Variants in POPDC3 observed in about 807,000 individuals in gnomAD.
The protein encoded by POPDC3 is popeye domain-containing protein 3.
A neutral mutation model predicts 28.2 loss-of-function variants in POPDC3; 20 were observed. The observed-to-expected ratio is 0.71, with a 90% CI of 0.50 to 1.03. The LOEUF (loss-of-function observed/expected upper bound fraction) is 1.03, where lower values mean the gene tolerates loss of function less well. Among genes scored for constraint, POPDC3 ranks in the 50% least tolerant of loss-of-function variants. The pLI, the probability that POPDC3 is intolerant of heterozygous loss-of-function variation, is 0.00. For synonymous variants in POPDC3, 118 were observed against 124.1 expected (o/e 0.95, Z 0.33); for missense variants, 316 against 345.9 (o/e 0.91, Z 0.69).
chr6:105,158,017 A>G lies in POPDC3; in HGVS notation c.*453T>C, dbSNP rs1047278339. On this transcript the variant is annotated 3_prime_UTR_variant, in exon 4 of 4. Coordinates refer to ENST00000254765, the MANE Select transcript of POPDC3 (RefSeq NM_022361.5). Reference sequence around the variant, plus strand: ...ATCAAGTAACTGCACATTTAAAATAAATAATTGCTTTCACTGGAGGTTGTA... The same window carrying G: ...ATCAAGTAACTGCACATTTAAAATAGATAATTGCTTTCACTGGAGGTTGTA... 1.3e-5 allele frequency among the ~76,000 whole-genome samples: 2 copies of G among 152,134 alleles called. No individual in the cohort carries two copies. The highest frequency in any genetic ancestry group is 4.8e-5 in the African/African-American group (2 of 41,444).
At chr6:105,160,943 A>G (rs144356947) in intron 2 of POPDC3, among the ~76,000 whole-genome samples, 145 of 152,248 alleles carry the variant, frequency 9.5e-4, no homozygotes, top group African/African-American at 3.3e-3. Flanking sequence ...AGATTTCTAT[A>G]TATGTTCCTG....
chr6:105,169,846 C>G (rs1774539218), intron 1 of POPDC3: 3 of 152,162 alleles, frequency 2.0e-5, no homozygotes, highest in Admixed American at 2.0e-4. Context: ...CAGATTCACT[C>G]CCAGGCAGGC....
chr6:105,159,807 T>C lies in POPDC3; in HGVS notation c.498A>G (p.Thr166=). ...SLLVSGRIRV[T]VDGEFLHYIF... is the part of the protein sequence containing the mutation. The stretch of plus-strand genomic sequence containing the variant: ...TGTAATGCAGAAATTCGCCATCAAC[T>C]GTCACTCTGATCCTATCAAAACACA... Residue 166 remains threonine, a synonymous_variant, in exon 3 of 4, where the codon ACA becomes ACG. Transcript: ENST00000254765. 6.2e-7 allele frequency: 1 copy of C among 1,611,534 alleles called. No individual in the cohort carries two copies. The highest frequency in any genetic ancestry group is 8.5e-7 in the Non-Finnish European group (1 of 1,178,070).
At chr6:105,165,588 G>A (rs563555558) in intron 1 of POPDC3, among the ~76,000 whole-genome samples, 1 of 152,272 alleles carries the variant, frequency 6.6e-6, no homozygotes, top group Admixed American at 6.5e-5. Context: ...CAGAATTGGG[G>A]GGCTCCAAAT....
intron 2 of POPDC3, chr6:105,160,234 CAG>C (rs1468022014): frequency 6.4e-6 from 1 of 155,500 alleles, no homozygotes; most frequent in Admixed American, 6.4e-5. Context: ...TATTTTTTGA[CAG>C]AGTCTCACTC....
At chr6:105,178,129 C>G (rs1391040565) in intron 1 of POPDC3, among the ~76,000 whole-genome samples, 1 of 152,222 alleles carries the variant, frequency 6.6e-6, no homozygotes, top group African/African-American at 2.4e-5. Context: ...ACCATAATTA[C>G]AAAATGTGAT....
chr6:105,166,807 A>AT lies in POPDC3; in HGVS notation c.-251-4648dup, dbSNP rs1414748137. On this transcript the variant is annotated intron_variant, in intron 1 of 3. Transcript: ENST00000254765. Reference sequence around the variant, plus strand: ...TATTTTTCCTTTTTAAAGCATCACAATTTTTTAATTTTTTCAGTTGGGTTA... The same window carrying AT: ...TATTTTTCCTTTTTAAAGCATCACAATTTTTTTAATTTTTTCAGTTGGGTTA... 2.1e-5 allele frequency: 7 copies of AT among 328,188 alleles called. No homozygotes were observed. In the Admixed American group the frequency reaches 3.1e-4, roughly 15 times the overall value. The allele number at this position is 328,188 out of a possible 1,614,324, so 20.3% of individuals were successfully genotyped here. A position where few individuals can be genotyped will look rare whatever the true frequency, so the allele number is the denominator to read the frequency against.
chr6:105,162,140 C>G lies in POPDC3; in HGVS notation c.-231G>C, dbSNP rs997479007. 4.7e-6 allele frequency: 6 copies of G among 1,267,378 alleles called. No individual in the cohort carries two copies. The African/African-American group carries it at 9.2e-5, about 19-fold the overall frequency. 78.5% of individuals were successfully genotyped at this position (1,267,378 alleles called of 1,614,324 possible). A position where few individuals can be genotyped will look rare whatever the true frequency, so the allele number is the denominator to read the frequency against. On this transcript the variant is annotated 5_prime_UTR_variant, in exon 2 of 4. Transcript: ENST00000254765. ...TCTGGGCTCCTGATTTGGATCCAGT[C>G]TGCAAATATTTTGGTATTTCCTATG...
At position 105,161,748 on chromosome 6, in the gene POPDC3, G is replaced by A. The variant is rs771522105; in HGVS notation, c.162C>T (p.Phe54=). 3 of 1,614,136 alleles carry A rather than the reference G, an allele frequency of 1.9e-6. No individual in the cohort carries two copies. Among genetic ancestry groups the A allele is most frequent in the Non-Finnish European group, 2.5e-6 (3 of 1,180,028 alleles). The part of the protein sequence containing the change: ...GSGFFGLLYV[F]SLLGLGFLCS... The stretch of plus-strand genomic sequence containing the variant: ...AGAGAAAACCCAACCCCAGCAAACT[G>A]AAGACATAAAGGAGCCCGAAGAATC... The change falls in exon 2 of 4, where the codon TTC becomes TTT. Residue 54 remains phenylalanine (F), a synonymous_variant. Coordinates refer to ENST00000254765, the MANE Select transcript of POPDC3 (RefSeq NM_022361.5).
intron 1 of POPDC3, among the ~76,000 whole-genome samples, chr6:105,163,325 C>T (rs1353873374): frequency 6.6e-6 from 1 of 152,070 alleles, no homozygotes; most frequent in South Asian, 2.1e-4. Context: ...CATTCTCTAC[C>T]CTTTCAGCCA....
At chr6:105,172,478 C>T (rs990029959) in intron 1 of POPDC3, among the ~76,000 whole-genome samples, 10 of 150,510 alleles carry the variant, frequency 6.6e-5, no homozygotes, top group African/African-American at 2.2e-4. Context: ...GTCAGTGTGG[C>T]GATTCCTCAG....
At chr6:105,163,391 A>G (rs925450700) in intron 1 of POPDC3, among the ~76,000 whole-genome samples, 1 of 152,206 alleles carries the variant, frequency 6.6e-6, no homozygotes, top group Non-Finnish European at 1.5e-5. Flanking sequence ...CCATGATGAC[A>G]GAGCTACAGG....
At chr6:105,159,990 T>TACA (rs1420581973) in intron 2 of POPDC3, 171 bp from the exon 3 acceptor site, 3 of 504,764 alleles carry the variant, frequency 5.9e-6, no homozygotes, top group Non-Finnish European at 1.1e-5. Flanking sequence ...CATAATGTCC[T>TACA]GTAAGATTCA....
chr6:105,165,596 A>C (rs1442799289), intron 1 of POPDC3, among the ~76,000 whole-genome samples: 2 of 152,224 alleles, frequency 1.3e-5, no homozygotes, highest in Non-Finnish European at 2.9e-5. Flanking sequence ...GGGGGCTCCA[A>C]ATGTCCAAGA....
intron 2 of POPDC3, 36 bp from the exon 3 acceptor site, chr6:105,159,855 G>A (rs761381964): frequency 7.1e-7 from 1 of 1,407,954 alleles, no homozygotes; most frequent in Non-Finnish European, 1.0e-6. Context: ...ATAAGGGAAG[G>A]AGAAAGAGAG....
chr6:105,162,069 C>T lies in POPDC3; in HGVS notation c.-160G>A, dbSNP rs937215412. 1.8e-5 allele frequency: 25 copies of T among 1,387,592 alleles called. No homozygotes were observed. The highest frequency in any genetic ancestry group is 2.2e-5 in the Non-Finnish European group (24 of 1,077,156). The allele number at this position is 1,387,592 out of a possible 1,614,324, so 86.0% of individuals were successfully genotyped here. Reference sequence around the variant, plus strand: ...ATGCTGATTAAAGGCTTCGTGTGTACGGATCTTGAAAAACTAAGAATCCCA... The same window carrying T: ...ATGCTGATTAAAGGCTTCGTGTGTATGGATCTTGAAAAACTAAGAATCCCA... On this transcript the variant is annotated 5_prime_UTR_variant, in exon 2 of 4. Transcript: ENST00000254765.
intron 2 of POPDC3, among the ~76,000 whole-genome samples, chr6:105,160,727 G>A (rs1774306642): frequency 6.6e-6 from 1 of 152,020 alleles, no homozygotes; most frequent in African/African-American, 2.4e-5. Flanking sequence ...CGAGTAGCTG[G>A]GACTACTGGC....
In POPDC3 at chr6:105,172,812, C is replaced by T. The variant is rs529225208; in HGVS notation, c.-252+7021G>A. Among the ~76,000 whole-genome samples, 201 of 145,972 alleles carry T rather than the reference C, an allele frequency of 1.4e-3. 2 individuals are homozygous for T. The highest frequency in any genetic ancestry group is 4.8e-3 in the African/African-American group (188 of 39,018). ...CAAAAAACCAAACACCGCATGTTCT[C>T]ACTCATAGGTGGGAATTGAACAATG... On this transcript the variant is annotated intron_variant, in intron 1 of 3. Transcript: ENST00000254765.
chr6:105,172,644 C>T (rs1170665992), intron 1 of POPDC3, among the ~76,000 whole-genome samples: 2 of 150,622 alleles, frequency 1.3e-5, no homozygotes, highest in African/African-American at 4.9e-5. Context: ...CCCAAATGTC[C>T]AACAATGAGA....
Sources: allele counts gnomAD v4.1 joint callset (sites outside exome capture counted in the v4.1 genomes callset), GRCh38; gene constraint gnomAD v4.1.1; transcripts MANE v1.5; gene names NCBI Gene and HGNC (gene_info 2026-07-23, HGNC 2026-07-21).